The following ARSF variants were observed in gnomAD, a reference collection of about 807,000 sequenced individuals.
ARSF encodes the protein arylsulfatase F.
In ARSF, 33 loss-of-function variants were observed where a neutral mutation model predicts 35.4. That is an observed-to-expected ratio of 0.93 (90% confidence interval 0.71 to 1.25). The LOEUF is 1.25. Among genes scored for constraint, ARSF ranks in the 50% most tolerant of loss-of-function variants. ARSF has a pLI of 0.00. For missense variants in ARSF, 501 were observed against 480.2 expected (o/e 1.04, Z -0.40); for synonymous variants, 222 against 193.1 (o/e 1.15, Z -1.24).
At chrX:3,041,764 CAT>C (rs916975346) in intron 1 of ARSF, 101 bp downstream of exon 1, 6 of 112,321 alleles carry the variant, frequency 5.3e-5, no homozygotes, top group African/African-American at 1.9e-4. Context: ...TGTACATGCA[CAT>C]ATGTGTGCAC....
chrX:3,112,719 G>T lies in ARSF; in HGVS notation c.*163G>T, dbSNP rs145098171. ...ATTCCAGATTATTAAAGGCCCACTG[G>T]TTGTTCCACTTGCTGCTTTTTTTTG... On this transcript the variant is annotated 3_prime_UTR_variant, in exon 11 of 11. Coordinates refer to ENST00000381127, the MANE Select transcript of ARSF (RefSeq NM_001201539.2). 2,179 of 778,000 alleles carry T rather than the reference G, an allele frequency of 2.8e-3. 28 individuals are homozygous for T. In the African/African-American group the frequency reaches 0.04, roughly 14 times the overall value. The allele number at this position is 778,000 out of a possible 1,213,427, so 64.1% of individuals were successfully genotyped here.
intron 4 of ARSF, among the ~76,000 whole-genome samples, chrX:3,077,140 G>A (rs1246372361): frequency 1.8e-5 from 2 of 112,091 alleles, no homozygotes; most frequent in Non-Finnish European, 3.8e-5. Context: ...AAATGGCTGC[G>A]CTTCTCAGAG....
At chrX:3,095,336 G>A (rs1490085353) in intron 7 of ARSF, among the ~76,000 whole-genome samples, 1 of 107,962 alleles carries the variant, frequency 9.3e-6, no homozygotes, top group Non-Finnish European at 1.9e-5. Flanking sequence ...GCACATAGAT[G>A]ACATATGATA....
chrX:3,093,947 G>A (rs183125464), intron 7 of ARSF, among the ~76,000 whole-genome samples: 2 of 111,634 alleles, frequency 1.8e-5, no homozygotes, highest in African/African-American at 6.5e-5. Context: ...AAAAGTAACT[G>A]AGGTCTTTGT....
chrX:3,081,727 G>T (rs1320220709), intron 5 of ARSF, among the ~76,000 whole-genome samples: 1 of 111,112 alleles, frequency 9.0e-6, no homozygotes, highest in Non-Finnish European at 1.9e-5. Context: ...TGCCCGCATA[G>T]TCTCTCACCG....
Position 3,053,548 on chromosome X carries a change from C to T in ARSF, c.-29+11885C>T, listed in dbSNP as rs752587263. Among the ~76,000 whole-genome samples, 43 of 109,514 alleles carry T rather than the reference C, an allele frequency of 3.9e-4. 1 individual carries two copies. Among genetic ancestry groups the T allele is most frequent in the Middle Eastern group, 4.6e-3 (1 of 217 alleles). On this transcript the variant is annotated intron_variant, in intron 1 of 10. Coordinates refer to ENST00000381127, the MANE Select transcript of ARSF (RefSeq NM_001201539.2). ...GATTTACAAAACTATCAAGCTATTA[C>T]CCTGCAGCATCCTTAGCCCTAAGCT...
At chrX:3,099,765 A>G (rs927522334) in intron 7 of ARSF, among the ~76,000 whole-genome samples, 6 of 112,189 alleles carry the variant, frequency 5.3e-5, no homozygotes, top group Non-Finnish European at 1.1e-4. Context: ...ATTTAATGCC[A>G]GGTTTAGCAT....
chrX:3,102,877 A>C (rs899452286), intron 8 of ARSF, among the ~76,000 whole-genome samples: 2 of 109,457 alleles, frequency 1.8e-5, no homozygotes, highest in Non-Finnish European at 3.8e-5. Flanking sequence ...GCACCACTGC[A>C]CTCCAGCCTG....
intron 7 of ARSF, among the ~76,000 whole-genome samples, chrX:3,100,090 T>G (rs944631297): frequency 2.9e-4 from 32 of 112,119 alleles, no homozygotes; most frequent in African/African-American, 9.7e-4. Flanking sequence ...TGATTGGAAA[T>G]GTGGTTTATT....
chrX:3,094,570 G>T (rs1292650819), intron 7 of ARSF, among the ~76,000 whole-genome samples: 1 of 112,136 alleles, frequency 8.9e-6, no homozygotes, highest in Non-Finnish European at 1.9e-5. Context: ...TGAAGAGCAG[G>T]TTTCTCAAGA....
chrX:3,087,869 TA>T (rs771652551), intron 6 of ARSF, among the ~76,000 whole-genome samples: 2 of 112,039 alleles, frequency 1.8e-5, no homozygotes, highest in African/African-American at 6.5e-5. Context: ...CTTAAGTAAT[TA>T]AATCTCCAGA....
At chrX:3,097,828 C>T (rs920005838) in intron 7 of ARSF, among the ~76,000 whole-genome samples, 1 of 110,941 alleles carries the variant, frequency 9.0e-6, no homozygotes, top group African/African-American at 3.3e-5. Flanking sequence ...GTCGGGAGTT[C>T]GAGACCAGCC....
intron 10 of ARSF, among the ~76,000 whole-genome samples, chrX:3,111,465 G>T (rs984981484): frequency 9.0e-6 from 1 of 111,143 alleles, no homozygotes; most frequent in Non-Finnish European, 1.9e-5. Context: ...TCTCAAACAT[G>T]CATAATTTCT....
At chrX:3,042,355 T>C (rs968443357) in intron 1 of ARSF, among the ~76,000 whole-genome samples, 1 of 112,054 alleles carries the variant, frequency 8.9e-6, no homozygotes, top group African/African-American at 3.2e-5. Context: ...TAAATAAATA[T>C]AATTTAGAAT....
At chrX:3,086,116 C>T (rs148317903) in intron 6 of ARSF, among the ~76,000 whole-genome samples, 1,438 of 111,675 alleles carry the variant, frequency 0.013, 12 homozygotes, top group Non-Finnish European at 0.019. Flanking sequence ...TTTCTGTTCC[C>T]TGGTACCTTT....
chrX:3,096,371 AAG>A, intron 7 of ARSF, among the ~76,000 whole-genome samples: 1 of 111,378 alleles, frequency 9.0e-6, no homozygotes, highest in Middle Eastern at 4.7e-3. Flanking sequence ...TGACTCATGA[AAG>A]AAAACTTGAA....
intron 1 of ARSF, among the ~76,000 whole-genome samples, chrX:3,046,128 C>T (rs1413917730): frequency 1.8e-5 from 2 of 111,027 alleles, no homozygotes; most frequent in East Asian, 2.9e-4. Flanking sequence ...TCAGATGATC[C>T]GCCCGCCTCG....
At chrX:3,085,453 G>A (rs756582380) in intron 6 of ARSF, among the ~76,000 whole-genome samples, 4 of 108,559 alleles carry the variant, frequency 3.7e-5, no homozygotes, top group African/African-American at 1.3e-4. Context: ...AGCTACTTGG[G>A]GAAATTAAAA....
chrX:3,048,785 G>C (rs1253449988), intron 1 of ARSF, among the ~76,000 whole-genome samples: 1 of 112,178 alleles, frequency 8.9e-6, no homozygotes, highest in Non-Finnish European at 1.9e-5. Context: ...GATATTTTGG[G>C]TTCGCAATAG....
Sources: gnomAD v4.1 joint callset for allele counts (sites outside exome capture counted in the v4.1 genomes callset) on GRCh38, gnomAD v4.1.1 for gene constraint, MANE v1.5 for transcripts, NCBI Gene and HGNC (gene_info 2026-07-23, HGNC 2026-07-21) for gene names.